The following CLPTM1 variants were observed in gnomAD, a reference collection of about 807,000 sequenced individuals.
The protein encoded by CLPTM1 is CLPTM1 regulator of GABA type A receptor forward trafficking.
Under a neutral mutation model 77.3 loss-of-function variants are expected in CLPTM1, and 21 were observed. The observed-to-expected ratio is 0.27, with a 90% CI of 0.19 to 0.39. The LOEUF (loss-of-function observed/expected upper bound fraction) is 0.39, where lower values mean the gene tolerates loss of function less well. Ranked by LOEUF, CLPTM1 falls within the 10% of genes least tolerant of loss-of-function variation. The probability of loss-of-function intolerance (pLI) is 1.00; values close to 1 mark genes in which losing one functional copy is unlikely to be tolerated. For synonymous variants in CLPTM1, 373 were observed against 381.0 expected (o/e 0.98, Z 0.24); for missense variants, 642 against 921.2 (o/e 0.70, Z 3.92).
At chr19:44,965,237 C>T (rs1156592225) in intron 2 of CLPTM1, among the ~76,000 whole-genome samples, 1 of 152,200 alleles carries the variant, frequency 6.6e-6, no homozygotes, top group East Asian at 1.9e-4. Context: ...CGGTGGCTCA[C>T]GCCTGCAATC....
In CLPTM1 at chr19:44,970,908, G is replaced by A. The variant is rs543059446; in HGVS notation, c.186-2179G>A. Among the ~76,000 whole-genome samples, 4 of 142,308 alleles carry A rather than the reference G, an allele frequency of 2.8e-5. No homozygotes were observed. The South Asian group carries it at 8.9e-4, about 32-fold the overall frequency. The allele number at this position is 142,308 out of a possible 152,430, so 93.4% of individuals were successfully genotyped here. ...TGCCATGGCACGATCTCGGTTCACT[G>A]CAACCTCCTTCTCCTGGGTTCAAGC... On this transcript the variant is annotated intron_variant, in intron 2 of 13. Transcript: ENST00000337392.
At chr19:44,959,209 G>C (rs1382610277) in intron 1 of CLPTM1, among the ~76,000 whole-genome samples, 1 of 151,278 alleles carries the variant, frequency 6.6e-6, no homozygotes, top group Non-Finnish European at 1.5e-5. Context: ...TTCTGTGGCT[G>C]TATTTTGTTT....
In CLPTM1 at chr19:44,992,999, G is replaced by T. The variant is rs780513363; in HGVS notation, c.*102G>T. On this transcript the variant is annotated 3_prime_UTR_variant, in exon 14 of 14. Transcript: ENST00000337392. This position sits in a 1 kb window ranked among gnomAD's most constrained non-coding sequence, Gnocchi z 7.7. Reference sequence around the variant, plus strand: ...GTCGCCCTTTCCCTGGACAGATCAGGCCGGGGCGGTGGGAGGCCCGCCTCA... The same window carrying T: ...GTCGCCCTTTCCCTGGACAGATCAGTCCGGGGCGGTGGGAGGCCCGCCTCA... 8 of 1,422,576 alleles carry T rather than the reference G, an allele frequency of 5.6e-6. No homozygotes were observed. The South Asian group carries it at 9.7e-5, about 17-fold the overall frequency. The allele number at this position is 1,422,576 out of a possible 1,614,324, so 88.1% of individuals were successfully genotyped here.
intron 2 of CLPTM1, among the ~76,000 whole-genome samples, chr19:44,972,540 C>T (rs1033043100): frequency 4.6e-5 from 7 of 152,214 alleles, no homozygotes; most frequent in Admixed American, 2.0e-4. Context: ...TGAGCCGCCG[C>T]GCCCGTCCTC....
At chr19:44,964,589 G>T (rs1970598855) in intron 2 of CLPTM1, among the ~76,000 whole-genome samples, 1 of 152,064 alleles carries the variant, frequency 6.6e-6, no homozygotes, top group African/African-American at 2.4e-5. Context: ...GGGATTATAG[G>T]CGTGAGCCAC....
chr19:44,991,838 GAAGCTGC>G lies in CLPTM1; in HGVS notation c.1556-393_1556-387del, dbSNP rs1253722101. Among the ~76,000 whole-genome samples, 12 of 152,110 alleles carry G rather than the reference GAAGCTGC, an allele frequency of 7.9e-5. No individual in the cohort carries two copies. The highest frequency in any genetic ancestry group is 1.3e-4 in the Non-Finnish European group (9 of 68,024). On this transcript the variant is annotated intron_variant, in intron 12 of 13. Coordinates refer to ENST00000337392, the MANE Select transcript of CLPTM1 (RefSeq NM_001294.4). This position sits in a 1 kb window ranked among gnomAD's most constrained non-coding sequence, Gnocchi z 5.4. ...GAGGATCCCTTGAGTCCAGGAGGTT[GAAGCTGC>G]AGTGAGCCATGATTACGCCACTGCA... is the stretch of plus-strand genomic sequence containing the variant.
chr19:44,990,293 AC>A lies in CLPTM1; in HGVS notation c.1133-98del. ...GCACCCCTCCTGAGGACCCAGCCCC[AC>A]CCCAGGGTGTGAGGATGCAGGCCAA... On this transcript the variant is annotated intron_variant, in intron 9 of 13. Coordinates refer to ENST00000337392, the MANE Select transcript of CLPTM1 (RefSeq NM_001294.4). This position sits in a 1 kb window ranked among gnomAD's most constrained non-coding sequence, Gnocchi z 4.8. The A allele has an allele frequency of 8.0e-7, 1 of 1,247,622 alleles. No individual in the cohort carries two copies. The highest frequency in any genetic ancestry group is 1.1e-6 in the Non-Finnish European group (1 of 883,382). 77.3% of individuals were successfully genotyped at this position (1,247,622 alleles called of 1,614,324 possible).
At position 44,992,032 on chromosome 19, in the gene CLPTM1, G is replaced by C. The variant is rs1231959540; in HGVS notation, c.1556-201G>C. Among the ~76,000 whole-genome samples the C allele has an allele frequency of 2.0e-5, 3 of 152,166 alleles. No homozygotes were observed. The highest frequency in any genetic ancestry group is 3.8e-4 in the East Asian group (2 of 5,198). On this transcript the variant is annotated intron_variant, in intron 12 of 13. Coordinates refer to ENST00000337392, the MANE Select transcript of CLPTM1 (RefSeq NM_001294.4). The surrounding 1 kb of genome is among the most constrained non-coding windows in gnomAD (Gnocchi z 7.7). ...ACAGGACATTTAAACAGAGGCCTCA[G>C]ATATCCAGGGAGAGAGCTGTGCGGA...
chr19:44,963,784 A>G (rs1970583477), intron 2 of CLPTM1, among the ~76,000 whole-genome samples: 1 of 151,650 alleles, frequency 6.6e-6, no homozygotes, highest in South Asian at 2.1e-4. Flanking sequence ...ATGCCCAGCT[A>G]ATTTTGTATT....
At chr19:44,977,720 T>C (rs1226338292) in intron 5 of CLPTM1, among the ~76,000 whole-genome samples, 1 of 152,016 alleles carries the variant, frequency 6.6e-6, no homozygotes, top group Non-Finnish European at 1.5e-5. Context: ...AAAAAGCAGC[T>C]GGAGACAGGG....
In CLPTM1 at chr19:44,992,665, C is replaced by G; in HGVS notation, c.1778C>G (p.Thr593Ser). The G allele has an allele frequency of 6.2e-7, 1 of 1,613,984 alleles. No individual in the cohort carries two copies. ...YQRWIYRVDPTRVNEFGMSGE... is the reference protein window; with the variant it reads ...YQRWIYRVDPSRVNEFGMSGE... ...CGGTGGATCTACCGCGTCGACCCCACCCGAGTCAACGAGTTTGGCATGAGT... is the reference window on the plus strand; with the variant it reads ...CGGTGGATCTACCGCGTCGACCCCAGCCGAGTCAACGAGTTTGGCATGAGT... Residue 593 changes from threonine (T) to serine (S), a missense_variant, in exon 14 of 14, where the codon ACC becomes AGC. By Grantham distance (58) the Thr-to-Ser change is moderately conservative (BLOSUM62 1). Around this residue, in one of 2 missense-constraint regions of CLPTM1, gnomAD observed 521 missense variants for 800.4 expected, o/e 0.65. Transcript: ENST00000337392. The surrounding 1 kb of genome is among the most constrained non-coding windows in gnomAD (Gnocchi z 7.7).
Position 44,987,276 on chromosome 19 carries a change from C to G in CLPTM1, c.891C>G (p.Ser297Arg). Residue 297 changes from serine to arginine, a missense_variant, in exon 8 of 14, where the codon AGC (serine) becomes AGG (arginine). This residue lies in a region of CLPTM1 where 521 missense variants were observed against 800.4 expected (regional missense o/e 0.65). Coordinates refer to ENST00000337392, the MANE Select transcript of CLPTM1 (RefSeq NM_001294.4). ...AGGACTACTACCCCATCAACGAGAG[C>G]CTGGCCAGCCTGCCGCTCCGCGTCT... The part of the protein sequence containing the change: ...LQKDYYPINE[S>R]LASLPLRVSF... The G allele has an allele frequency of 6.2e-7, 1 of 1,614,260 alleles. No individual in the cohort carries two copies. Among genetic ancestry groups the G allele is most frequent in the Non-Finnish European group, 8.5e-7 (1 of 1,180,054 alleles).
At chr19:44,967,031 C>T (rs1298779155) in intron 2 of CLPTM1, among the ~76,000 whole-genome samples, 1 of 152,116 alleles carries the variant, frequency 6.6e-6, no homozygotes, top group African/African-American at 2.4e-5. Flanking sequence ...TTAGTAGAGA[C>T]AGGGTTTCAT....
intron 5 of CLPTM1, 91 bp downstream of exon 5, chr19:44,977,551 C>G (rs2122293976): frequency 1.0e-6 from 1 of 974,328 alleles, no homozygotes; most frequent in East Asian, 2.4e-5. Flanking sequence ...ATCCCAAGTC[C>G]AGGAGGGCAG....
In CLPTM1 at chr19:44,977,370, A is replaced by C; in HGVS notation, c.496A>C (p.Ile166Leu). 1 of 1,610,166 alleles carries C rather than the reference A, an allele frequency of 6.2e-7. No homozygotes were observed. The highest frequency in any genetic ancestry group is 8.5e-7 in the Non-Finnish European group (1 of 1,179,932). ...CGTCCAGCAGAACGGCTCCATCTAC[A>C]TCCACGTTTACTTCACCAAGAGTGG... is the stretch of plus-strand genomic sequence containing the variant. ...QSVQQNGSIY[I>L]HVYFTKSGFH... is the part of the protein sequence containing the mutation. The change falls in exon 5 of 14, where the codon ATC becomes CTC. Residue 166 changes from isoleucine to leucine, a missense_variant. This residue lies in a region of CLPTM1 where 521 missense variants were observed against 800.4 expected (regional missense o/e 0.65). Coordinates refer to ENST00000337392, the MANE Select transcript of CLPTM1 (RefSeq NM_001294.4).
chr19:44,992,864 T>C lies in CLPTM1; in HGVS notation c.1977T>C (p.Pro659=). ...ASSASEPQEA[P]PKPAEDKKKD ...CTGCCAGCGAGCCCCAGGAAGCCCC[T>C]CCAAAGCCAGCAGAGGACAAGAAAA... Residue 659 remains proline (P), a synonymous_variant, in exon 14 of 14, where the codon CCT becomes CCC. Transcript: ENST00000337392. This position sits in a 1 kb window ranked among gnomAD's most constrained non-coding sequence, Gnocchi z 7.7. The C allele has an allele frequency of 6.2e-7, 1 of 1,613,414 alleles. No individual in the cohort carries two copies. The highest frequency in any genetic ancestry group is 8.5e-7 in the Non-Finnish European group (1 of 1,179,842).
intron 1 of CLPTM1, among the ~76,000 whole-genome samples, chr19:44,957,686 C>T (rs1035979670): frequency 6.6e-5 from 10 of 152,154 alleles, no homozygotes; most frequent in African/African-American, 2.4e-4. Context: ...CTGATGTGTC[C>T]ACAGCCACTG....
intron 2 of CLPTM1, among the ~76,000 whole-genome samples, chr19:44,971,573 A>C (rs1219370954): frequency 6.6e-6 from 1 of 151,828 alleles, no homozygotes; most frequent in East Asian, 1.9e-4. Flanking sequence ...TAATTGATTA[A>C]TTTTTTTGGG....
At chr19:44,988,477 T>G (rs1274151052) in intron 9 of CLPTM1, among the ~76,000 whole-genome samples, 1 of 152,236 alleles carries the variant, frequency 6.6e-6, no homozygotes, top group African/African-American at 2.4e-5. Flanking sequence ...GCCCCGGAGC[T>G]GCTCCCGCCA....
Sources: gnomAD v4.1 joint callset for allele counts (sites outside exome capture counted in the v4.1 genomes callset) on GRCh38, gnomAD v4.1.1 for gene constraint, gnomAD v4.1.1 regional missense constraint, Gnocchi (gnomAD v3.1) non-coding constraint, MANE v1.5 for transcripts, NCBI Gene and HGNC (gene_info 2026-07-23, HGNC 2026-07-21) for gene names.